STXBP4: variants seen among roughly 807,000 people sequenced by gnomAD.
STXBP4 encodes the protein syntaxin binding protein 4, also known as syntaxin-binding protein 4.
In STXBP4, 55 loss-of-function variants were observed where a neutral mutation model predicts 76.1. The ratio of observed to expected loss-of-function variants is 0.72; its 90% confidence interval spans 0.58 to 0.91. The LOEUF (loss-of-function observed/expected upper bound fraction) is 0.91, where lower values mean the gene tolerates loss of function less well. Ranked by LOEUF, STXBP4 falls within the 40% of genes least tolerant of loss-of-function variation. The pLI is 0.00. For synonymous variants in STXBP4, 201 were observed against 220.2 expected, an observed-to-expected ratio of 0.91 and a Z score of 0.77; for missense variants, 618 against 636.9, an observed-to-expected ratio of 0.97 and a Z score of 0.32.
intron 4 of STXBP4, among the ~76,000 whole-genome samples, chr17:54,995,357 C>T (rs2077783327): frequency 6.6e-6 from 1 of 152,112 alleles, no homozygotes; most frequent in African/African-American, 2.4e-5. Flanking sequence ...TCTTTTGTTG[C>T]TGGTAACATA....
At chr17:55,062,543 A>G (rs564004168) in intron 12 of STXBP4, among the ~76,000 whole-genome samples, 19 of 152,170 alleles carry the variant, frequency 1.2e-4, no homozygotes, top group South Asian at 4.1e-4. Context: ...TAGTGCTACA[A>G]TAAACATATG....
chr17:55,155,233 A>T (rs244286), intron 17 of STXBP4, among the ~76,000 whole-genome samples: 1 of 151,900 alleles, frequency 6.6e-6, no homozygotes, highest in Non-Finnish European at 1.5e-5. Flanking sequence ...ACCAGTGTTT[A>T]TATAAGATTA....
At chr17:55,031,995 G>T (rs74795262) in intron 9 of STXBP4, among the ~76,000 whole-genome samples, 3,057 of 152,194 alleles carry the variant, frequency 0.02, 86 homozygotes, top group East Asian at 0.15. Context: ...CTCAGTAGCT[G>T]ATATTACAAA....
chr17:55,190,683 G>A, the STXBP4 span, among the ~76,000 whole-genome samples: 5 of 152,158 alleles, frequency 3.3e-5, no homozygotes, highest in African/African-American at 1.2e-4. Flanking sequence ...GCATGCCAAG[G>A]AGGAGATCCA....
At chr17:55,174,896 T>G (rs1475920879), downstream of STXBP4, among the ~76,000 whole-genome samples, 1 of 152,076 alleles carries the variant, frequency 6.6e-6, no homozygotes, top group Non-Finnish European at 1.5e-5. Context: ...ATCACAGGAT[T>G]TTAAAGGGAA....
chr17:55,146,142 G>A (rs1177124389), intron 17 of STXBP4, among the ~76,000 whole-genome samples: 1 of 152,116 alleles, frequency 6.6e-6, no homozygotes, highest in Non-Finnish European at 1.5e-5. Context: ...TAGTAAAACT[G>A]AATTTATGAC....
At chr17:54,998,061 C>T (rs539350066) in intron 4 of STXBP4, among the ~76,000 whole-genome samples, 11 of 151,926 alleles carry the variant, frequency 7.2e-5, no homozygotes, top group Middle Eastern at 6.8e-3. Flanking sequence ...TTGTTGTTTT[C>T]CTATATATTC....
chr17:55,077,999 T>C (rs2079206283), intron 13 of STXBP4, 79 bp from the exon 14 acceptor site: 1 of 848,784 alleles, frequency 1.2e-6, no homozygotes, highest in Non-Finnish European at 1.8e-6. Flanking sequence ...TGAATATTAG[T>C]TCATAAAAAC....
rs1227380902 is a variant in STXBP4, at chr17:54,975,378, G to A, written c.-157+6563G>A. 2.6e-5 allele frequency among the ~76,000 whole-genome samples: 4 copies of A among 152,130 alleles called. No individual in the cohort carries two copies. The East Asian group carries it at 7.7e-4, about 29-fold the overall frequency. On this transcript the variant is annotated intron_variant, in intron 1 of 17. Transcript: ENST00000376352. ...TGTATTGGGCCCTGCAATTTATGCAGCCAGTCCTGGTCAAGATGTAAATAG... is the reference window on the plus strand; with the variant it reads ...TGTATTGGGCCCTGCAATTTATGCAACCAGTCCTGGTCAAGATGTAAATAG...
chr17:55,138,680 A>G (rs570691710), intron 16 of STXBP4, among the ~76,000 whole-genome samples: 1 of 152,270 alleles, frequency 6.6e-6, no homozygotes, highest in East Asian at 1.9e-4. Context: ...GATATGGTAA[A>G]TGTAGGAAAA....
Position 55,157,534 on chromosome 17 carries a change from A to G in STXBP4, c.1548-2263A>G, listed in dbSNP as rs184938276. ...AGTAATGTGGATTATCGTCAAGAGA[A>G]TAATGATTCTTTGTACACTAAACCA... On this transcript the variant is annotated intron_variant, in intron 17 of 17. Coordinates refer to ENST00000376352, the MANE Select transcript of STXBP4 (RefSeq NM_178509.6). Among the ~76,000 whole-genome samples the G allele has an allele frequency of 3.4e-3, 513 of 152,362 alleles. 6 individuals carry two copies. The highest frequency in any genetic ancestry group is 0.011 in the African/African-American group (472 of 41,584).
the STXBP4 span, among the ~76,000 whole-genome samples, chr17:55,202,055 C>T: frequency 1.3e-5 from 2 of 151,316 alleles, no homozygotes; most frequent in Non-Finnish European, 2.9e-5. Context: ...CAATAATTTA[C>T]CTTTAATTTG....
At chr17:55,107,447 C>A (rs972305370) in intron 16 of STXBP4, among the ~76,000 whole-genome samples, 7 of 152,178 alleles carry the variant, frequency 4.6e-5, no homozygotes, top group African/African-American at 1.7e-4. Flanking sequence ...GTCAATTCAT[C>A]AAACTCATTC....
intron 16 of STXBP4, among the ~76,000 whole-genome samples, chr17:55,112,980 GAA>G (rs1194065285): frequency 2.0e-5 from 3 of 152,140 alleles, no homozygotes; most frequent in African/African-American, 7.2e-5. Context: ...TTTTAGAAGA[GAA>G]ATTTCAGTAG....
chr17:55,148,692 T>A lies in STXBP4; in HGVS notation c.1547+7325T>A, dbSNP rs1227225735. Among the ~76,000 whole-genome samples, 4 of 152,164 alleles carry A rather than the reference T, an allele frequency of 2.6e-5. No individual in the cohort carries two copies. The East Asian group carries it at 7.7e-4, about 29-fold the overall frequency. ...TAGCTGGGATTACAGGCACCAGCCA[T>A]CACACCTGGCTAATTTTTGTATTTT... is the stretch of plus-strand genomic sequence containing the variant. On this transcript the variant is annotated intron_variant, in intron 17 of 17. Transcript: ENST00000376352.
the STXBP4 span, among the ~76,000 whole-genome samples, chr17:55,189,180 C>T: frequency 1.3e-5 from 2 of 151,836 alleles, no homozygotes; most frequent in Non-Finnish European, 2.9e-5. Context: ...AAAAAAAATG[C>T]TGAAAGGATG....
At chr17:55,206,716 G>A in the STXBP4 span, among the ~76,000 whole-genome samples, 1 of 151,980 alleles carries the variant, frequency 6.6e-6, no homozygotes, top group South Asian at 2.1e-4. Context: ...ATTTAGCCAG[G>A]TGTGGTGGTG....
intron 1 of STXBP4, among the ~76,000 whole-genome samples, chr17:54,977,189 G>T (rs2077485589): frequency 6.6e-6 from 1 of 152,102 alleles, no homozygotes; most frequent in African/African-American, 2.4e-5. Context: ...GAACTCGTTA[G>T]ATTCTTGAAA....
intron 12 of STXBP4, among the ~76,000 whole-genome samples, chr17:55,063,714 A>G (rs1224582545): frequency 6.6e-6 from 1 of 152,204 alleles, no homozygotes; most frequent in African/African-American, 2.4e-5. Flanking sequence ...AGCATTTCAT[A>G]ATAGGTGCCC....
Sources: gnomAD v4.1 joint callset for allele counts (sites outside exome capture counted in the v4.1 genomes callset) on GRCh38, gnomAD v4.1.1 for gene constraint, MANE v1.5 for transcripts, NCBI Gene and HGNC (gene_info 2026-07-23, HGNC 2026-07-21) for gene names.